STK38L: variants seen among roughly 807,000 people sequenced by gnomAD.
The protein encoded by STK38L is serine/threonine kinase 38 like, also known as serine/threonine-protein kinase 38-like.
In STK38L, 28 loss-of-function variants were observed where a neutral mutation model predicts 59.7. The observed-to-expected ratio is 0.47, with a 90% CI of 0.35 to 0.64. The LOEUF (loss-of-function observed/expected upper bound fraction) is 0.64. Ranked by LOEUF, STK38L falls within the 30% of genes least tolerant of loss-of-function variation. The pLI, the probability that STK38L is intolerant of heterozygous loss-of-function variation, is 0.01. For missense variants in STK38L, 314 were observed against 555.8 expected, an observed-to-expected ratio of 0.56 and a Z score of 4.37; for synonymous variants, 162 against 176.8, an observed-to-expected ratio of 0.92 and a Z score of 0.66.
At position 27,308,627 on chromosome 12, in the gene STK38L, C is replaced by T. The variant is rs1944373507; in HGVS notation, c.309+166C>T. The stretch of plus-strand genomic sequence containing the variant: ...ATCGCCTGAGGTCAGGAGTTCGAGA[C>T]CAGCCTGGCCAGTGAAACCCCGTCT... On this transcript the variant is annotated intron_variant, in intron 4 of 13. Coordinates refer to ENST00000389032, the MANE Select transcript of STK38L (RefSeq NM_015000.4). This position sits in a 1 kb window ranked among gnomAD's most constrained non-coding sequence, Gnocchi z 4.5. Among the ~76,000 whole-genome samples the T allele has an allele frequency of 6.6e-6, 1 of 151,920 alleles. No homozygotes were observed. Among genetic ancestry groups the T allele is most frequent in the Non-Finnish European group, 1.5e-5 (1 of 68,002 alleles).
intron 1 of STK38L, among the ~76,000 whole-genome samples, chr12:27,258,527 C>A (rs1344476361): frequency 6.6e-6 from 1 of 152,108 alleles, no homozygotes; most frequent in African/African-American, 2.4e-5. Context: ...TGGGGTTTCA[C>A]CATGTTGGCA....
At chr12:27,248,118 T>G (rs1942896332) in intron 1 of STK38L, among the ~76,000 whole-genome samples, 1 of 152,214 alleles carries the variant, frequency 6.6e-6, no homozygotes, top group African/African-American at 2.4e-5. Context: ...CCAGCCCTGT[T>G]CTATAATTTT....
intron 1 of STK38L, among the ~76,000 whole-genome samples, chr12:27,294,113 G>C (rs1453979760): frequency 6.6e-6 from 1 of 152,222 alleles, no homozygotes; most frequent in Non-Finnish European, 1.5e-5. Context: ...CATTTGAAGA[G>C]AACTATCTAT....
Position 27,315,343 on chromosome 12 carries a change from GAC to G in STK38L, c.832_833del (p.Gln278ThrfsTer27). The G allele has an allele frequency of 6.2e-7, 1 of 1,613,452 alleles. No individual in the cohort carries two copies. The highest frequency in any genetic ancestry group is 8.5e-7 in the Non-Finnish European group (1 of 1,179,712). On this transcript the variant is annotated frameshift_variant, in exon 9 of 14. Transcript: ENST00000389032. LOFTEE classifies it high-confidence loss of function. ...GCAGAAACTTGGAAGAAGAACAGGA[GAC>G]AACTGGTGAGTCAACCAGTTTTTAA...
At chr12:27,307,580 G>A (rs866566596) in intron 3 of STK38L, among the ~76,000 whole-genome samples, 7 of 152,224 alleles carry the variant, frequency 4.6e-5, no homozygotes, top group South Asian at 2.1e-4. Context: ...TTTCCACTTA[G>A]TGTTTCCTCT....
intron 1 of STK38L, among the ~76,000 whole-genome samples, chr12:27,247,200 G>T (rs1398560151): frequency 1.3e-5 from 2 of 152,176 alleles, no homozygotes; most frequent in Admixed American, 1.3e-4. Context: ...CACAACAACT[G>T]TATGGAGTAG....
chr12:27,278,359 CCT>C (rs1943581178), intron 1 of STK38L, among the ~76,000 whole-genome samples: 1 of 152,206 alleles, frequency 6.6e-6, no homozygotes, highest in African/African-American at 2.4e-5. Flanking sequence ...CTGATCTTCC[CCT>C]GTTCTAAAGC....
intron 1 of STK38L, among the ~76,000 whole-genome samples, chr12:27,248,761 C>G (rs2136598808): frequency 6.6e-6 from 1 of 152,250 alleles, no homozygotes; most frequent in Non-Finnish European, 1.5e-5. Context: ...AGCTTAAAAC[C>G]TAATGGGAAG....
chr12:27,264,203 A>G (rs1233793548), intron 1 of STK38L, among the ~76,000 whole-genome samples: 1 of 152,216 alleles, frequency 6.6e-6, no homozygotes, highest in African/African-American at 2.4e-5. Flanking sequence ...AATGAATGAC[A>G]TCATACAAGT....
At chr12:27,305,157 C>T (rs1638462105) in intron 3 of STK38L, among the ~76,000 whole-genome samples, 1 of 152,190 alleles carries the variant, frequency 6.6e-6, no homozygotes, top group Admixed American at 6.5e-5. Flanking sequence ...TCCAGAGAAG[C>T]TAGTAATCTG....
At chr12:27,296,296 A>G (rs1944019879) in intron 1 of STK38L, among the ~76,000 whole-genome samples, 2 of 152,256 alleles carry the variant, frequency 1.3e-5, no homozygotes, top group Non-Finnish European at 2.9e-5. Flanking sequence ...ATTCTAAACA[A>G]GTGACACGAT....
chr12:27,308,387 C>A lies in STK38L; in HGVS notation c.235C>A (p.Arg79=). The A allele has an allele frequency of 6.3e-7, 1 of 1,596,276 alleles. No homozygotes were observed. Among genetic ancestry groups the A allele is most frequent in the Non-Finnish European group, 8.5e-7 (1 of 1,169,668 alleles). ...CGCTCGCAAAGAAACAGAGTTCTTA[C>A]GGCTCAAAAGGACCAGACTTGGCTT... ...QHARKETEFL[R]LKRTRLGLDD... is the part of the protein sequence containing the mutation. Residue 79 remains arginine, a synonymous_variant, in exon 4 of 14, where the codon CGG becomes AGG. Coordinates refer to ENST00000389032, the MANE Select transcript of STK38L (RefSeq NM_015000.4). The surrounding 1 kb of genome is among the most constrained non-coding windows in gnomAD (Gnocchi z 4.5).
chr12:27,280,703 C>T (rs1354616408), intron 1 of STK38L, among the ~76,000 whole-genome samples: 2 of 152,176 alleles, frequency 1.3e-5, no homozygotes, highest in African/African-American at 2.4e-5. Context: ...TCTTCCTGTT[C>T]ATGTAGAAAG....
intron 1 of STK38L, among the ~76,000 whole-genome samples, chr12:27,251,725 A>G (rs1227237744): frequency 6.6e-6 from 1 of 152,210 alleles, no homozygotes; most frequent in Non-Finnish European, 1.5e-5. Context: ...ATAGCATGGC[A>G]TTTTCTAAAG....
intron 3 of STK38L, among the ~76,000 whole-genome samples, chr12:27,305,938 A>G (rs986235241): frequency 2.6e-5 from 4 of 152,212 alleles, no homozygotes; most frequent in Non-Finnish European, 4.4e-5. Context: ...TACTTAATCT[A>G]TACAGGTTGT....
At chr12:27,299,825 GAGAA>G (rs1215301680) in intron 2 of STK38L, among the ~76,000 whole-genome samples, 2 of 151,744 alleles carry the variant, frequency 1.3e-5, no homozygotes, top group Admixed American at 6.6e-5. Flanking sequence ...GAATGCAAGA[GAGAA>G]AGAAAAACTG....
chr12:27,274,684 C>T (rs751760350), intron 1 of STK38L, among the ~76,000 whole-genome samples: 9 of 152,186 alleles, frequency 5.9e-5, no homozygotes, highest in Non-Finnish European at 1.3e-4. Flanking sequence ...TACTATTGTT[C>T]AATGCTGCAG....
intron 3 of STK38L, among the ~76,000 whole-genome samples, chr12:27,303,569 C>T (rs1016784475): frequency 7.9e-5 from 12 of 152,246 alleles, no homozygotes; most frequent in African/African-American, 2.9e-4. Flanking sequence ...GGTGAATAAA[C>T]AAATAATGGC....
chr12:27,320,007 T>C (rs1364202997), intron 12 of STK38L, among the ~76,000 whole-genome samples: 1 of 152,234 alleles, frequency 6.6e-6, no homozygotes, highest in African/African-American at 2.4e-5. Flanking sequence ...TAAGAAGCCT[T>C]CACTGCTTTC....
Sources: allele counts gnomAD v4.1 joint callset (sites outside exome capture counted in the v4.1 genomes callset), GRCh38; gene constraint gnomAD v4.1.1; non-coding constraint Gnocchi (gnomAD v3.1); transcripts MANE v1.5; gene names NCBI Gene and HGNC (gene_info 2026-07-23, HGNC 2026-07-21).